EHBP1: variants seen among roughly 807,000 people sequenced by gnomAD.
EHBP1 encodes the protein EH domain binding protein 1.
Under a neutral mutation model 144.0 loss-of-function variants are expected in EHBP1, and 55 were observed. The observed-to-expected ratio is 0.38, with a 90% CI of 0.31 to 0.48. EHBP1 has a LOEUF of 0.48. Among genes scored for constraint, EHBP1 ranks in the 20% least tolerant of loss-of-function variants. EHBP1 has a pLI of 0.98. For synonymous variants in EHBP1, 469 were observed against 472.7 expected, an observed-to-expected ratio of 0.99 and a Z score of 0.10; for missense variants, 1,200 against 1,364.2, an observed-to-expected ratio of 0.88 and a Z score of 1.90.
At chr2:62,987,905 A>G (rs1397505781) in intron 15 of EHBP1, 2 of 1,199,112 alleles carry the variant, frequency 1.7e-6, no homozygotes, top group East Asian at 2.4e-5. Flanking sequence ...ATAATATACT[A>G]ACATTATTGC....
At chr2:63,008,075 T>G (rs1351705671) in intron 19 of EHBP1, among the ~76,000 whole-genome samples, 2 of 151,724 alleles carry the variant, frequency 1.3e-5, no homozygotes, top group Non-Finnish European at 3.0e-5. Flanking sequence ...ATCCTTTATT[T>G]GTTGTTCCTA....
At chr2:62,903,785 G>A (rs556306051) in intron 10 of EHBP1, among the ~76,000 whole-genome samples, 1 of 150,398 alleles carries the variant, frequency 6.6e-6, no homozygotes, top group Non-Finnish European at 1.5e-5. Flanking sequence ...GAAGGAGAAG[G>A]AGGAGAAGGA....
intron 7 of EHBP1, among the ~76,000 whole-genome samples, chr2:62,836,416 ACT>A (rs1279144763): frequency 2.9e-5 from 4 of 136,558 alleles, no homozygotes; most frequent in Non-Finnish European, 6.3e-5. Flanking sequence ...AAAACTGGAA[ACT>A]CTAAAACGCA....
intron 14 of EHBP1, among the ~76,000 whole-genome samples, chr2:62,964,676 AAT>A: frequency 6.6e-6 from 1 of 152,296 alleles, no homozygotes; most frequent in Admixed American, 6.5e-5. Flanking sequence ...AAACAGTATT[AAT>A]TGTTTTGTAC....
At chr2:62,701,330 T>C (rs1336649859), upstream of EHBP1, among the ~76,000 whole-genome samples, 1 of 152,166 alleles carries the variant, frequency 6.6e-6, no homozygotes, top group Non-Finnish European at 1.5e-5. Flanking sequence ...ATATTATTAA[T>C]GTATTAATCT....
At chr2:62,886,382 A>G (rs1473853593) in intron 10 of EHBP1, among the ~76,000 whole-genome samples, 2 of 152,250 alleles carry the variant, frequency 1.3e-5, no homozygotes, top group African/African-American at 2.4e-5. Flanking sequence ...CCAAGGTTCA[A>G]TGACAGCTAG....
At chr2:62,923,503 A>G (rs1243814047) in intron 10 of EHBP1, among the ~76,000 whole-genome samples, 2 of 152,194 alleles carry the variant, frequency 1.3e-5, no homozygotes, top group Admixed American at 6.5e-5. Context: ...GCCCACAGCA[A>G]GAGCCTGAGA....
chr2:62,837,691 T>C (rs1182192961), intron 7 of EHBP1, among the ~76,000 whole-genome samples: 5 of 149,112 alleles, frequency 3.4e-5, no homozygotes, highest in Admixed American at 6.7e-5. Flanking sequence ...GTTGCAATCC[T>C]AGTCTCTGAT....
chr2:62,999,826 C>T (rs183111248), intron 19 of EHBP1, among the ~76,000 whole-genome samples: 2 of 151,842 alleles, frequency 1.3e-5, no homozygotes, highest in East Asian at 1.9e-4. Context: ...GGGTATATAC[C>T]GAGGATTGGA....
At chr2:62,865,892 A>C (rs2049997103) in intron 9 of EHBP1, among the ~76,000 whole-genome samples, 1 of 152,206 alleles carries the variant, frequency 6.6e-6, no homozygotes, top group Non-Finnish European at 1.5e-5. Context: ...AATTTGTAGA[A>C]GAGAAGAGGT....
rs1451165500 is a variant in EHBP1 at position 62,803,274 on chromosome 2, T to G, written c.313-22813T>G. Among the ~76,000 whole-genome samples, 9 of 152,094 alleles carry G rather than the reference T, an allele frequency of 5.9e-5. No individual in the cohort carries two copies. In the East Asian group the frequency reaches 1.7e-3, roughly 29 times the overall value. ...AATTTATGCACACGTGCATGATAGA[T>G]TCCCAGATACTGGAATAGATTCCCA... On this transcript the variant is annotated intron_variant, in intron 5 of 22. Transcript: ENST00000431489.
intron 1 of EHBP1, among the ~76,000 whole-genome samples, chr2:62,699,308 T>C (rs1417797791): frequency 1.3e-5 from 2 of 152,196 alleles, no homozygotes; most frequent in Non-Finnish European, 2.9e-5. Flanking sequence ...CAAAGGCTCT[T>C]AACATTTCAT....
At chr2:62,933,179 A>G (rs2056139866) in intron 10 of EHBP1, among the ~76,000 whole-genome samples, 1 of 151,834 alleles carries the variant, frequency 6.6e-6, no homozygotes, top group African/African-American at 2.4e-5. Flanking sequence ...ATAATATAGT[A>G]TTTTCATGAA....
chr2:62,963,348 T>C (rs1352017154), intron 14 of EHBP1, among the ~76,000 whole-genome samples: 4 of 152,220 alleles, frequency 2.6e-5, no homozygotes, highest in African/African-American at 7.2e-5. Flanking sequence ...TTGTAGCAGA[T>C]TTAGATAAGA....
At chr2:63,023,405 A>G (rs760925249) in intron 19 of EHBP1, among the ~76,000 whole-genome samples, 3 of 152,188 alleles carry the variant, frequency 2.0e-5, no homozygotes, top group Non-Finnish European at 4.4e-5. Flanking sequence ...ATAAACGGTT[A>G]TTTTCCTAAG....
intron 7 of EHBP1, among the ~76,000 whole-genome samples, chr2:62,841,643 G>GTAT (rs1475409126): frequency 1.3e-5 from 2 of 151,932 alleles, no homozygotes; most frequent in South Asian, 2.1e-4. Flanking sequence ...CTTTTCAATA[G>GTAT]TATATACTGA....
chr2:62,802,217 G>A (rs1229545937), intron 5 of EHBP1, among the ~76,000 whole-genome samples: 1 of 152,206 alleles, frequency 6.6e-6, no homozygotes, highest in Non-Finnish European at 1.5e-5. Flanking sequence ...GTAGTGGTGG[G>A]TAGAGTGTGG....
chr2:63,023,681 A>G (rs1366361485), intron 19 of EHBP1, among the ~76,000 whole-genome samples: 1 of 152,198 alleles, frequency 6.6e-6, no homozygotes, highest in Non-Finnish European at 1.5e-5. Flanking sequence ...AATTGTGTCA[A>G]GCACTAACGT....
intron 5 of EHBP1, among the ~76,000 whole-genome samples, chr2:62,821,884 C>T (rs1315613279): frequency 6.6e-6 from 1 of 151,866 alleles, no homozygotes; most frequent in East Asian, 1.9e-4. Context: ...TTCTGGGGTA[C>T]ATGAGATGTT....
Sources: gnomAD v4.1 joint callset for allele counts (sites outside exome capture counted in the v4.1 genomes callset) on GRCh38, gnomAD v4.1.1 for gene constraint, MANE v1.5 for transcripts, NCBI Gene and HGNC (gene_info 2026-07-23, HGNC 2026-07-21) for gene names.